FAT2: variants seen among roughly 807,000 people sequenced by gnomAD.
FAT2 encodes protocadherin Fat 2.
Under a neutral mutation model 295.3 loss-of-function variants are expected in FAT2, and 150 were observed. The ratio of observed to expected loss-of-function variants is 0.51; its 90% CI spans 0.44 to 0.58. FAT2 has a LOEUF of 0.58. FAT2 is among the 20% of genes least tolerant of loss of function. FAT2 has a pLI of 0.00. For synonymous variants in FAT2, 2,026 were observed against 2,150.3 expected (o/e 0.94, Z 1.60); for missense variants, 4,868 against 5,442.7 (o/e 0.89, Z 3.32).
At chr5:151,515,944 C>T (rs1752819491) in intron 20 of FAT2, among the ~76,000 whole-genome samples, 1 of 152,210 alleles carries the variant, frequency 6.6e-6, no homozygotes, top group East Asian at 1.9e-4. Flanking sequence ...CCTACAAGAC[C>T]TTCATAGATA....
intron 2 of FAT2, among the ~76,000 whole-genome samples, chr5:151,564,758 C>G (rs541751367): frequency 6.6e-5 from 10 of 152,338 alleles, no homozygotes; most frequent in African/African-American, 2.4e-4. Flanking sequence ...ACATTATCCT[C>G]TGACCTAGAA....
rs897312321 is a variant in FAT2 at position 151,521,620 on chromosome 5, T to C, written c.10973A>G (p.Lys3658Arg). ...WRNLQRFLSH[K>R]LDIKRANIHL... ...AATGTTAGCCCGTTTGATGTCCAGC[T>C]TATGGCTGAGGAACCTCTGCAGGTT... is the stretch of plus-strand genomic sequence containing the variant. The change falls in exon 19 of 24, where the codon AAG becomes AGG. Residue 3658 changes from lysine to arginine, a missense_variant. Around this residue, in one of 5 missense-constraint regions of FAT2, gnomAD observed 1,046 missense variants for 1,210.1 expected, o/e 0.86. Transcript: ENST00000261800. 2 of 1,614,024 alleles carry C rather than the reference T, an allele frequency of 1.2e-6. No homozygotes were observed. The highest frequency in any genetic ancestry group is 2.7e-5 in the African/African-American group (2 of 74,922).
In FAT2 at chr5:151,543,742, C is replaced by T. The variant is rs752061505; in HGVS notation, c.7385G>A (p.Arg2462Gln). 11 of 1,614,136 alleles carry T rather than the reference C, an allele frequency of 6.8e-6. No homozygotes were observed. Among genetic ancestry groups the T allele is most frequent in the South Asian group, 3.3e-5 (3 of 91,064 alleles). ...GTTGATGTACACAGGCACAGTTGCT[C>T]GGAAGACTCCATCAGAAGCACCTAC... ...LRVGASDGVF[R>Q]ATVPVYINTT... is the part of the protein sequence containing the mutation. Residue 2462 changes from arginine (R) to glutamine (Q), a missense_variant, in exon 10 of 24, where the codon CGA becomes CAA. Arg to Gln is a conservative substitution (Grantham distance 43). Around this residue, in one of 5 missense-constraint regions of FAT2, gnomAD observed 3,297 missense variants for 3,669.4 expected, o/e 0.90. Transcript: ENST00000261800.
chr5:151,565,065 A>C (rs969759057), intron 2 of FAT2, among the ~76,000 whole-genome samples: 1 of 152,112 alleles, frequency 6.6e-6, no homozygotes, highest in Non-Finnish European at 1.5e-5. Context: ...ACAGAGCAAG[A>C]CTCCATCTCA....
intron 1 of FAT2, among the ~76,000 whole-genome samples, chr5:151,586,383 G>A (rs1371556263): frequency 1.3e-5 from 2 of 152,190 alleles, no homozygotes; most frequent in Non-Finnish European, 2.9e-5. Flanking sequence ...TCTTGCAGGG[G>A]CCGCCCAGGA....
intron 1 of FAT2, among the ~76,000 whole-genome samples, chr5:151,571,875 T>G (rs920877307): frequency 6.6e-6 from 1 of 152,196 alleles, no homozygotes; most frequent in African/African-American, 2.4e-5. Flanking sequence ...TAGATTAAAA[T>G]AGAAACTCCT....
intron 9 of FAT2, among the ~76,000 whole-genome samples, chr5:151,546,566 A>G (rs1281900105): frequency 1.3e-5 from 2 of 152,174 alleles, no homozygotes; most frequent in African/African-American, 4.8e-5. Context: ...AGTTTCTGGG[A>G]CACAACTTAA....
chr5:151,573,842 G>A lies in FAT2; in HGVS notation c.-20-4891C>T, dbSNP rs1396148416. ...GATTCCGACATTCAGAAACCTGATA[G>A]TTGTAACATTCATGTCTTTGTCCAA... On this transcript the variant is annotated intron_variant, in intron 1 of 23. Coordinates refer to ENST00000261800, the MANE Select transcript of FAT2 (RefSeq NM_001447.3). 3.9e-5 allele frequency among the ~76,000 whole-genome samples: 6 copies of A among 152,266 alleles called. No homozygotes were observed. In the East Asian group the frequency reaches 1.2e-3, roughly 29 times the overall value.
chr5:151,576,860 G>A (rs1758767911), intron 1 of FAT2, among the ~76,000 whole-genome samples: 1 of 152,112 alleles, frequency 6.6e-6, no homozygotes, highest in African/African-American at 2.4e-5. Flanking sequence ...AAACCTAGGT[G>A]GTGACGCTTA....
intron 15 of FAT2, 53 bp downstream of exon 15, chr5:151,529,125 A>G: frequency 6.6e-7 from 1 of 1,512,890 alleles, no homozygotes; most frequent in Non-Finnish European, 9.2e-7. Context: ...GGGTGAGATA[A>G]GAACCCATCC....
At chr5:151,527,907 G>C in intron 16 of FAT2, 89 bp downstream of exon 16, 1 of 1,519,194 alleles carries the variant, frequency 6.6e-7, no homozygotes, top group Non-Finnish European at 9.0e-7. Flanking sequence ...TCAGGATGGG[G>C]TCTTGACAGC....
chr5:151,508,014 G>A (rs1761031308), intron 22 of FAT2, among the ~76,000 whole-genome samples: 1 of 152,164 alleles, frequency 6.6e-6, no homozygotes, highest in African/African-American at 2.4e-5. Context: ...AATGTTCCCT[G>A]CTGTGCTTCA....
chr5:151,529,210 C>T lies in FAT2; in HGVS notation c.9994G>A (p.Glu3332Lys). The stretch of plus-strand genomic sequence containing the variant: ...ATGACGTCACCCACAAGGGCATTCT[C>T]TAAGACCCTTGTGCTATATGGATCT... ...PQDPYSTRVL[E>K]NALVGDVILT... The change falls in exon 15 of 24, where the codon GAG becomes AAG. Residue 3332 changes from glutamate to lysine, a missense_variant. Around this residue, in one of 5 missense-constraint regions of FAT2, gnomAD observed 1,046 missense variants for 1,210.1 expected, o/e 0.86. Transcript: ENST00000261800. 1 of 1,614,170 alleles carries T rather than the reference C, an allele frequency of 6.2e-7. No homozygotes were observed. The highest frequency in any genetic ancestry group is 1.3e-5 in the African/African-American group (1 of 75,038).
At position 151,542,501 on chromosome 5, in the gene FAT2, C is replaced by T. The variant is rs750050198; in HGVS notation, c.8626G>A (p.Val2876Met). 6.2e-7 allele frequency: 1 copy of T among 1,614,160 alleles called. No homozygotes were observed. Among genetic ancestry groups the T allele is most frequent in the Non-Finnish European group, 8.5e-7 (1 of 1,180,032 alleles). ...ETCQTYHFHV[V>M]AYDHGQTIQL... ...ATGGTCTGTCCGTGGTCATAGGCCA[C>T]CACATGAAAATGATAAGTCTGGCAG... Residue 2876 changes from valine (V) to methionine (M), a missense_variant, in exon 10 of 24, where the codon GTG (valine) becomes ATG (methionine). Physicochemically the swap from Val to Met is conservative, Grantham distance 21. Around this residue, in one of 5 missense-constraint regions of FAT2, gnomAD observed 3,297 missense variants for 3,669.4 expected, o/e 0.90. Transcript: ENST00000261800.
rs199767495 is a variant in FAT2, at chr5:151,543,158, G to T, written c.7969C>A (p.Leu2657Ile). The change falls in exon 10 of 24, where the codon CTT (leucine) becomes ATT (isoleucine). Residue 2657 changes from leucine (L) to isoleucine (I), a missense_variant. Physicochemically the swap from Leu to Ile is conservative, Grantham distance 5 (BLOSUM62 2). Coordinates refer to ENST00000261800, the MANE Select transcript of FAT2 (RefSeq NM_001447.3). ...DSLVGLENQT[L>I]DFFIKAQDGG... ...TCTTGGGCTTTGATGAAGAAGTCAA[G>T]GGTCTGATTTTCCAATCCCACCAGG... 4 of 1,614,182 alleles carry T rather than the reference G, an allele frequency of 2.5e-6. No individual in the cohort carries two copies. The East Asian group carries it at 6.7e-5, about 27-fold the overall frequency.
chr5:151,508,484 G>A (rs531994615), intron 22 of FAT2, among the ~76,000 whole-genome samples: 3 of 152,250 alleles, frequency 2.0e-5, no homozygotes, highest in African/African-American at 7.2e-5. Flanking sequence ...CCGAGTCAGC[G>A]GGATCACTTG....
In FAT2 at chr5:151,555,087, T is replaced by C. The variant is rs75429312; in HGVS notation, c.3634-414A>G. ...TGAGTGGTACTTTTTGAGTCAGACA[T>C]GTGCACGTGGCCTGATGCATGCAAT... On this transcript the variant is annotated intron_variant, in intron 4 of 23. Coordinates refer to ENST00000261800, the MANE Select transcript of FAT2 (RefSeq NM_001447.3). Among the ~76,000 whole-genome samples, 1,462 of 152,284 alleles carry C rather than the reference T, an allele frequency of 9.6e-3. 21 individuals are homozygous for C. The highest frequency in any genetic ancestry group is 0.034 in the African/African-American group (1,403 of 41,556).
chr5:151,590,380 G>A (rs1001217110), intron 1 of FAT2, among the ~76,000 whole-genome samples: 3 of 152,194 alleles, frequency 2.0e-5, no homozygotes, highest in African/African-American at 4.8e-5. Flanking sequence ...GGGGCAAATG[G>A]CACTGCACCG....
chr5:151,507,404 C>T lies in FAT2; in HGVS notation c.12267G>A (p.Arg4089=), dbSNP rs201825044. The change falls in exon 23 of 24, where the codon AGG becomes AGA. Residue 4089 remains arginine, a synonymous_variant. Coordinates refer to ENST00000261800, the MANE Select transcript of FAT2 (RefSeq NM_001447.3). ...TGGCTTGGGTGTCAACACCAACACTCCTGGCCAGGAGGTCTGGGTCCTCCA... is the reference window on the plus strand; with the variant it reads ...TGGCTTGGGTGTCAACACCAACACTTCTGGCCAGGAGGTCTGGGTCCTCCA... The part of the protein sequence containing the change: ...VAMEDPDLLA[R]SVGVDTQAMP... The T allele has an allele frequency of 6.0e-5, 97 of 1,614,210 alleles. No individual in the cohort carries two copies. The South Asian group carries it at 9.6e-4, about 16-fold the overall frequency.
Sources: allele counts gnomAD v4.1 joint callset (sites outside exome capture counted in the v4.1 genomes callset), GRCh38; gene constraint gnomAD v4.1.1; regional missense constraint gnomAD v4.1.1; transcripts MANE v1.5; gene names NCBI Gene and HGNC (gene_info 2026-07-23, HGNC 2026-07-21).